Variants in HNF4A observed in about 807,000 individuals in gnomAD.
The protein encoded by HNF4A is hepatocyte nuclear factor 4-alpha.
In HNF4A, 15 loss-of-function variants were observed where a neutral mutation model predicts 52.4. The observed-to-expected ratio is 0.29, with a 90% CI of 0.19 to 0.44. The LOEUF (loss-of-function observed/expected upper bound fraction) is 0.44. Ranked by LOEUF, HNF4A falls within the 20% of genes least tolerant of loss-of-function variation. HNF4A has a pLI of 1.00. For missense variants in HNF4A, 479 were observed against 647.2 expected (o/e 0.74, Z 2.82); for synonymous variants, 280 against 264.4 (o/e 1.06, Z -0.57).
upstream of HNF4A, among the ~76,000 whole-genome samples, chr20:44,398,066 G>A (rs946398711): frequency 7.2e-5 from 11 of 152,190 alleles, no homozygotes; most frequent in African/African-American, 2.7e-4. Flanking sequence ...TCTGTTATGT[G>A]TTAAGGGTTT....
At chr20:44,385,180 T>C (rs1445113676) in intron 1 of HNF4A, among the ~76,000 whole-genome samples, 1 of 147,136 alleles carries the variant, frequency 6.8e-6, no homozygotes, top group African/African-American at 2.5e-5. Flanking sequence ...AGGGTAATAA[T>C]TGGAAAGGAG....
chr20:44,363,476 G>A (rs1218712129), intron 1 of HNF4A, among the ~76,000 whole-genome samples: 1 of 152,064 alleles, frequency 6.6e-6, no homozygotes, highest in Non-Finnish European at 1.5e-5. Flanking sequence ...ACAAGGCTTT[G>A]TTGCAAGCCT....
At chr20:44,366,915 G>GGCCACA (rs939868107) in intron 1 of HNF4A, among the ~76,000 whole-genome samples, 110 of 152,256 alleles carry the variant, frequency 7.2e-4, no homozygotes, top group African/African-American at 2.5e-3. Flanking sequence ...AGGGCTTGGG[G>GGCCACA]GCCACACACT....
In HNF4A at chr20:44,372,565, T is replaced by C. The variant is rs181434084; in HGVS notation, c.49+16712T>C. On this transcript the variant is annotated intron_variant, in intron 1 of 9. Coordinates refer to the HNF4A transcript ENST00000316673. ...ATCAGACATTCACATAAAACAATAG[T>C]CAATTTGAAAGCTAAATACACATCC... is the stretch of plus-strand genomic sequence containing the variant. Among the ~76,000 whole-genome samples the C allele has an allele frequency of 8.5e-3, 1,289 of 152,290 alleles. 24 individuals are homozygous for C. Among genetic ancestry groups the C allele is most frequent in the African/African-American group, 0.03 (1,243 of 41,560 alleles).
intron 6 of HNF4A, among the ~76,000 whole-genome samples, chr20:44,418,858 C>T (rs1568735865): frequency 6.6e-6 from 1 of 152,152 alleles, no homozygotes; most frequent in Admixed American, 6.5e-5. Flanking sequence ...TCACTTCAGC[C>T]TCCACCCGCC....
chr20:44,368,519 T>A (rs977888512), intron 1 of HNF4A, among the ~76,000 whole-genome samples: 8 of 152,006 alleles, frequency 5.3e-5, no homozygotes, highest in African/African-American at 1.9e-4. Flanking sequence ...GGGTAGAATT[T>A]TCTGTATCAT....
At chr20:44,364,337 G>A (rs1361839881) in intron 1 of HNF4A, among the ~76,000 whole-genome samples, 9 of 152,148 alleles carry the variant, frequency 5.9e-5, no homozygotes, top group East Asian at 1.9e-4. Context: ...CACTGCACCC[G>A]GCACTCTGTT....
At chr20:44,384,326 T>C (rs778194683) in intron 1 of HNF4A, among the ~76,000 whole-genome samples, 1 of 152,276 alleles carries the variant, frequency 6.6e-6, no homozygotes, top group African/African-American at 2.4e-5. Context: ...ATAATATTTC[T>C]TTCTAAAATA....
intron 3 of HNF4A, 57 bp from the exon 4 acceptor site, chr20:44,413,637 C>A (rs921840598): frequency 3.2e-5 from 42 of 1,302,008 alleles, no homozygotes; most frequent in Middle Eastern, 1.8e-4. Flanking sequence ...TCACAGACAC[C>A]CCCACCCCCT....
At chr20:44,408,330 A>G (rs2063532437) in intron 3 of HNF4A, 1 of 154,218 alleles carries the variant, frequency 6.5e-6, no homozygotes, top group Admixed American at 6.5e-5. Flanking sequence ...TATTTGGACC[A>G]CACTTCAGCA....
At chr20:44,395,140 T>A (rs142360182) in intron 1 of HNF4A, among the ~76,000 whole-genome samples, 27 of 152,336 alleles carry the variant, frequency 1.8e-4, no homozygotes, top group African/African-American at 5.5e-4. Flanking sequence ...AAGTAGAAAG[T>A]GCTCGTTGTT....
intron 1 of HNF4A, among the ~76,000 whole-genome samples, chr20:44,368,442 T>G (rs1325956828): frequency 6.6e-6 from 1 of 151,714 alleles, no homozygotes; most frequent in Non-Finnish European, 1.5e-5. Flanking sequence ...GCTGGGATTA[T>G]AAGTGTGAGC....
At chr20:44,419,292 CATCTT>C (rs545798553) in intron 6 of HNF4A, among the ~76,000 whole-genome samples, 256 of 152,368 alleles carry the variant, frequency 1.7e-3, no homozygotes, top group African/African-American at 5.9e-3. Flanking sequence ...TATTTATCCT[CATCTT>C]ATAGATAAGA....
Position 44,395,072 on chromosome 20 carries a change from A to G in HNF4A, c.50-10986A>G, listed in dbSNP as rs56408954. 5.7e-3 allele frequency among the ~76,000 whole-genome samples: 868 copies of G among 152,368 alleles called. 8 individuals carry two copies. Among genetic ancestry groups the G allele is most frequent in the African/African-American group, 0.02 (817 of 41,586 alleles). On this transcript the variant is annotated intron_variant, in intron 1 of 9. Transcript: ENST00000316673. ...GTGGCCACCCATCATCGGGTGAACA[A>G]GCCAGTGGCCACCCATCATCGGGTG...
At chr20:44,374,638 A>AT (rs1415341154) in intron 1 of HNF4A, among the ~76,000 whole-genome samples, 2 of 151,928 alleles carry the variant, frequency 1.3e-5, no homozygotes, top group African/African-American at 4.8e-5. Flanking sequence ...TAATTTTTGT[A>AT]TTTTTAGTAG....
chr20:44,378,669 T>C (rs565355439), intron 1 of HNF4A, among the ~76,000 whole-genome samples: 1 of 152,140 alleles, frequency 6.6e-6, no homozygotes, highest in South Asian at 2.1e-4. Flanking sequence ...CTTCCCACAC[T>C]GAAACTGTAC....
At chr20:44,377,529 G>A (rs1419403500) in intron 1 of HNF4A, among the ~76,000 whole-genome samples, 3 of 151,990 alleles carry the variant, frequency 2.0e-5, no homozygotes, top group Admixed American at 6.6e-5. Flanking sequence ...TTGGGAGGCC[G>A]AGGCGGGTGG....
intron 9 of HNF4A, among the ~76,000 whole-genome samples, chr20:44,429,274 T>C (rs550150850): frequency 4.6e-5 from 7 of 152,286 alleles, no homozygotes; most frequent in African/African-American, 1.4e-4. Flanking sequence ...AAATAAATGA[T>C]GGAGGAGATG....
intron 3 of HNF4A, among the ~76,000 whole-genome samples, chr20:44,409,045 T>C (rs2063544111): frequency 6.6e-6 from 1 of 151,808 alleles, no homozygotes; most frequent in Admixed American, 6.6e-5. Context: ...CCCCCTCCCT[T>C]GGAAATATCT....
Sources: gnomAD v4.1 joint callset for allele counts (sites outside exome capture counted in the v4.1 genomes callset) on GRCh38, gnomAD v4.1.1 for gene constraint, MANE v1.5 for transcripts, NCBI Gene and HGNC (gene_info 2026-07-23, HGNC 2026-07-21) for gene names.